The following KLC1 variants were observed in gnomAD, a reference collection of about 807,000 sequenced individuals.
The protein encoded by KLC1 is kinesin light chain 1, also known as kinesin 2 60/70kDa.
A neutral mutation model predicts 84.2 loss-of-function variants in KLC1; 30 were observed. The ratio of observed to expected loss-of-function variants is 0.36; its 90% CI spans 0.27 to 0.48. The LOEUF (loss-of-function observed/expected upper bound fraction) is 0.48, where lower values mean the gene tolerates loss of function less well. Ranked by LOEUF, KLC1 falls within the 20% of genes least tolerant of loss-of-function variation. The probability of loss-of-function intolerance (pLI) is 0.99; values close to 1 mark genes in which losing one functional copy is unlikely to be tolerated. For synonymous variants in KLC1, 289 were observed against 293.3 expected (o/e 0.99, Z 0.15); for missense variants, 499 against 805.4 (o/e 0.62, Z 4.60).
chr14:103,674,777 T>C (rs1203259150), intron 9 of KLC1, among the ~76,000 whole-genome samples: 1 of 152,222 alleles, frequency 6.6e-6, no homozygotes, highest in Non-Finnish European at 1.5e-5. Context: ...GACTATTGTT[T>C]AATGTTTTTG....
chr14:103,646,745 G>A (rs901806333), intron 1 of KLC1, among the ~76,000 whole-genome samples: 1 of 152,068 alleles, frequency 6.6e-6, no homozygotes, highest in Non-Finnish European at 1.5e-5. Context: ...AAGTAGCTGG[G>A]AGTACAAGCA....
rs1325145587 is a variant in KLC1 at position 103,673,384 on chromosome 14, A to G, written c.1214A>G (p.Lys405Arg). 6.2e-7 allele frequency: 1 copy of G among 1,610,184 alleles called. No individual in the cohort carries two copies. Among genetic ancestry groups the G allele is most frequent in the Non-Finnish European group, 8.5e-7 (1 of 1,178,904 alleles). The change falls in exon 9 of 17, where the codon AAA (lysine) becomes AGA (arginine). Residue 405 changes from lysine (K) to arginine (R), a missense_variant. Lys to Arg is a conservative substitution (Grantham distance 26). Transcript: ENST00000334553. ...TTCAAGCAAGCAGAAACACTGTACA[A>G]AGAGATTCTCACTCGTGCACATGAA... ...GKFKQAETLY[K>R]EILTRAHERE...
chr14:103,644,958 T>G (rs2077790762), intron 1 of KLC1, among the ~76,000 whole-genome samples: 1 of 151,690 alleles, frequency 6.6e-6, no homozygotes, highest in African/African-American at 2.4e-5. Flanking sequence ...GTTCTTTTCC[T>G]TTTCTTTTCT....
At chr14:103,669,014 G>C (rs565345400) in intron 5 of KLC1, among the ~76,000 whole-genome samples, 2 of 151,586 alleles carry the variant, frequency 1.3e-5, no homozygotes, top group African/African-American at 4.8e-5. Flanking sequence ...TCCTGACCTC[G>C]TGATCTGCCC....
rs778885971 is a variant in KLC1 at position 103,654,651 on chromosome 14, G to A, written c.87G>A (p.Lys29=). The A allele has an allele frequency of 6.2e-7, 1 of 1,614,166 alleles. No homozygotes were observed. The highest frequency in any genetic ancestry group is 1.1e-5 in the South Asian group (1 of 91,088). The change falls in exon 2 of 17, where the codon AAG becomes AAA. Residue 29 remains lysine, a synonymous_variant. Transcript: ENST00000334553. ...LTQDEIISKT[K]QVIQGLEALK... is the part of the protein sequence containing the mutation. ...AGGATGAAATTATTTCTAAGACAAA[G>A]CAAGTAATTCAGGGGCTGGAAGCTT... is the stretch of plus-strand genomic sequence containing the variant.
At chr14:103,630,246 A>G (rs1295409570) in intron 1 of KLC1, among the ~76,000 whole-genome samples, 2 of 151,548 alleles carry the variant, frequency 1.3e-5, no homozygotes, top group Admixed American at 6.5e-5. Flanking sequence ...GAAAATTAAA[A>G]TAAAGCGTAA....
chr14:103,651,448 G>A (rs1207170044), intron 1 of KLC1, among the ~76,000 whole-genome samples: 1 of 152,016 alleles, frequency 6.6e-6, no homozygotes, highest in East Asian at 1.9e-4. Flanking sequence ...AGTGAGTGTA[G>A]GAGTTTAACT....
At chr14:103,651,719 G>C (rs2078458915) in intron 1 of KLC1, among the ~76,000 whole-genome samples, 1 of 152,218 alleles carries the variant, frequency 6.6e-6, no homozygotes, top group Non-Finnish European at 1.5e-5. Flanking sequence ...ATGAGCAGCT[G>C]CTCACCAGCA....
At chr14:103,642,503 C>G (rs573701808) in intron 1 of KLC1, among the ~76,000 whole-genome samples, 28 of 152,276 alleles carry the variant, frequency 1.8e-4, no homozygotes, top group African/African-American at 6.5e-4. Context: ...AGGAGAAAGA[C>G]TACTGGCTCC....
Position 103,685,379 on chromosome 14 carries a change from G to A in KLC1, c.1651-1702G>A, listed in dbSNP as rs1381799771. ...TTTCTAATACGTTGCCAATCTTTAC[G>A]CTTAAAGTGTTGACATTTACTTTGA... is the stretch of plus-strand genomic sequence containing the variant. On this transcript the variant is annotated intron_variant, in intron 13 of 16. Transcript: ENST00000334553. 16 of 1,210,018 alleles carry A rather than the reference G, an allele frequency of 1.3e-5. No homozygotes were observed. In the Admixed American group the frequency reaches 2.2e-4, roughly 17 times the overall value. The allele number at this position is 1,210,018 out of a possible 1,614,324, so 75.0% of individuals were successfully genotyped here. A position where few individuals can be genotyped will look rare whatever the true frequency, so the allele number is the denominator to read the frequency against.
rs145229885 is a variant in KLC1 at position 103,696,389 on chromosome 14, T to A, written c.1848+3964T>A. ...TATTGGAGGGATTCACATCGTTGTT[T>A]TCTGGATTAAGCTGCTAGGAGTATC... On this transcript the variant is annotated intron_variant, in intron 15 of 16. Transcript: ENST00000334553. 1.6e-5 allele frequency: 16 copies of A among 985,440 alleles called. No homozygotes were observed. The East Asian group carries it at 1.8e-3, about 112-fold the overall frequency. 61.0% of individuals were successfully genotyped at this position (985,440 alleles called of 1,614,324 possible).
intron 1 of KLC1, among the ~76,000 whole-genome samples, chr14:103,645,392 C>A (rs971321939): frequency 3.3e-5 from 5 of 152,198 alleles, no homozygotes; most frequent in Non-Finnish European, 5.9e-5. Context: ...TCCCAGGTTC[C>A]CCCTGGTGCT....
At chr14:103,638,727 G>A (rs995939961) in intron 1 of KLC1, among the ~76,000 whole-genome samples, 2 of 139,650 alleles carry the variant, frequency 1.4e-5, no homozygotes, top group Non-Finnish European at 3.0e-5. Flanking sequence ...GGGTGTATAT[G>A]TATGAACACA....
chr14:103,694,189 C>G lies in KLC1; in HGVS notation c.1848+1764C>G, dbSNP rs1202907865. 1 of 985,496 alleles carries G rather than the reference C, an allele frequency of 1.0e-6. No individual in the cohort carries two copies. Among genetic ancestry groups the G allele is most frequent in the South Asian group, 4.7e-5 (1 of 21,310 alleles). The allele number at this position is 985,496 out of a possible 1,614,324, so 61.0% of individuals were successfully genotyped here. A position where few individuals can be genotyped will look rare whatever the true frequency, so the allele number is the denominator to read the frequency against. On this transcript the variant is annotated intron_variant, in intron 15 of 16. Transcript: ENST00000334553. This position sits in a 1 kb window ranked among gnomAD's most constrained non-coding sequence, Gnocchi z 4.5. ...CTGTGGCCCTGGGGCCCCATGCCCC[C>G]TTTTGAGCTGTGTTCTCCCGGACGC...
At chr14:103,679,291 T>TG (rs1567033844) in intron 12 of KLC1, 93 bp from the exon 13 acceptor site, 8 of 1,392,784 alleles carry the variant, frequency 5.7e-6, no homozygotes, top group South Asian at 1.4e-5. Context: ...AAGAACTGTT[T>TG]TTTTTTTTTT....
intron 1 of KLC1, among the ~76,000 whole-genome samples, chr14:103,630,444 A>C (rs2076585864): frequency 6.6e-6 from 1 of 152,242 alleles, no homozygotes; most frequent in East Asian, 1.9e-4. Context: ...TAAAAATGTG[A>C]GAACAAAAAA....
chr14:103,659,412 T>C (rs778073303), intron 3 of KLC1, among the ~76,000 whole-genome samples: 2 of 152,194 alleles, frequency 1.3e-5, no homozygotes, highest in Admixed American at 1.3e-4. Flanking sequence ...GAGAAGAAAA[T>C]TGATGTGCCC....
chr14:103,669,702 G>C, intron 6 of KLC1, 104 bp downstream of exon 6: 1 of 811,104 alleles, frequency 1.2e-6, no homozygotes, highest in Non-Finnish European at 2.1e-6. Context: ...AAGTTTAAGT[G>C]CTGCCTTTTC....
intron 1 of KLC1, among the ~76,000 whole-genome samples, chr14:103,644,251 ATTCT>A (rs1474003635): frequency 1.4e-5 from 2 of 140,396 alleles, no homozygotes; most frequent in South Asian, 2.3e-4. Flanking sequence ...GTTATTCTCG[ATTCT>A]TTCTACGTGA....
Sources: allele counts gnomAD v4.1 joint callset (sites outside exome capture counted in the v4.1 genomes callset), GRCh38; gene constraint gnomAD v4.1.1; non-coding constraint Gnocchi (gnomAD v3.1); transcripts MANE v1.5; gene names NCBI Gene and HGNC (gene_info 2026-07-23, HGNC 2026-07-21).